The following KLF6 variants were observed in gnomAD, a reference collection of about 807,000 sequenced individuals.
KLF6 encodes Krueppel-like factor 6.
For synonymous variants in KLF6, 152 were observed against 147.9 expected, an observed-to-expected ratio of 1.03 and a Z score of -0.20; for missense variants, 233 against 359.8, an observed-to-expected ratio of 0.65 and a Z score of 2.85.
chr10:3,781,757 C>T lies in KLF6; in HGVS notation c.560G>A (p.Gly187Glu), dbSNP rs1289748441. ...GCCGTCGGGGGAGGCATCGCCATTT[C>T]CCTTGTCACCTGGCTTCCCCGAAGT... Reference protein sequence around the residue: ...SGTSGKPGDKGNGDASPDGRR... With the variant: ...SGTSGKPGDKENGDASPDGRR... The change falls in exon 2 of 4, where the codon GGA (glycine) becomes GAA (glutamate). Residue 187 changes from glycine to glutamate, a missense_variant. Gly to Glu is a moderately conservative substitution (Grantham distance 98, BLOSUM62 -2). Coordinates refer to ENST00000497571, the MANE Select transcript of KLF6 (RefSeq NM_001300.6). This position sits in a 1 kb window ranked among gnomAD's most constrained non-coding sequence, Gnocchi z 5.8. The T allele has an allele frequency of 2.5e-6, 4 of 1,614,154 alleles. No homozygotes were observed. Among genetic ancestry groups the T allele is most frequent in the Non-Finnish European group, 3.4e-6 (4 of 1,180,056 alleles).
Position 3,782,251 on chromosome 10 carries a change from A to G in KLF6, c.103-37T>C, listed in dbSNP as rs372352979. On this transcript the variant is annotated intron_variant, in intron 1 of 3. Coordinates refer to ENST00000497571, the MANE Select transcript of KLF6 (RefSeq NM_001300.6). The surrounding 1 kb of genome is among the most constrained non-coding windows in gnomAD (Gnocchi z 4.3). Reference sequence around the variant, plus strand: ...GAACCAGAGAAGGCACGTGATTGCCATGACGACCAAAAGTAAAAGCAAAAG... The same window carrying G: ...GAACCAGAGAAGGCACGTGATTGCCGTGACGACCAAAAGTAAAAGCAAAAG... 31 of 1,550,500 alleles carry G rather than the reference A, an allele frequency of 2.0e-5. No individual in the cohort carries two copies. The highest frequency in any genetic ancestry group is 1.8e-4 in the African/African-American group (13 of 73,878).
In KLF6 at chr10:3,781,349, C is replaced by A; in HGVS notation, c.676+292G>T. ...AGGGGCAGTGGCCTCGGATCCCCAG[C>A]ACTACTAAGGGGTGGGGGGTGGAGG... On this transcript the variant is annotated intron_variant, in intron 2 of 3. Coordinates refer to ENST00000497571, the MANE Select transcript of KLF6 (RefSeq NM_001300.6). This position sits in a 1 kb window ranked among gnomAD's most constrained non-coding sequence, Gnocchi z 5.8. 7.4e-7 allele frequency: 1 copy of A among 1,347,920 alleles called. No individual in the cohort carries two copies. The highest frequency in any genetic ancestry group is 9.8e-7 in the Non-Finnish European group (1 of 1,018,040). 83.5% of individuals were successfully genotyped at this position (1,347,920 alleles called of 1,614,324 possible).
intron 1 of KLF6, chr10:3,783,215 C>T (rs975163208): frequency 1.3e-5 from 2 of 152,222 alleles, no homozygotes; most frequent in Non-Finnish European, 2.9e-5. Flanking sequence ...CCGCAACCAA[C>T]CTTTCAAGAA....
rs35557366 is a variant in KLF6, at chr10:3,777,129, T to TAA, written c.*2408_*2409dup. 2.6e-3 allele frequency: 1,230 copies of TAA among 467,680 alleles called. No homozygotes were observed. The highest frequency in any genetic ancestry group is 0.017 in the East Asian group (347 of 20,320). The allele number at this position is 467,680 out of a possible 1,614,324, so 29.0% of individuals were successfully genotyped here. ...AGGTAAATGTATTCATCAGCCCAGA[T>TAA]AAAAAAAAAACCAGTTATGTGAGCG... On this transcript the variant is annotated 3_prime_UTR_variant, in exon 4 of 4. Transcript: ENST00000497571.
intron 3 of KLF6, 86 bp from the exon 4 acceptor site, chr10:3,779,676 T>C: frequency 8.2e-7 from 1 of 1,223,244 alleles, no homozygotes; most frequent in Non-Finnish European, 1.2e-6. Context: ...CTCCCTGCCC[T>C]GCCCAGCCTA....
At position 3,779,604 on chromosome 10, in the gene KLF6, T is replaced by G; in HGVS notation, c.801-14A>C. 1.2e-5 allele frequency: 20 copies of G among 1,613,654 alleles called. No individual in the cohort carries two copies. The highest frequency in any genetic ancestry group is 1.6e-5 in the Non-Finnish European group (19 of 1,179,616). On this transcript the variant is annotated splice_polypyrimidine_tract_variant and intron_variant, in intron 3 of 3. Coordinates refer to ENST00000497571, the MANE Select transcript of KLF6 (RefSeq NM_001300.6). The stretch of plus-strand genomic sequence containing the variant: ...CTGGAAAAACACCTGCAAGGGCAAA[T>G]CAGAAGCACAGAAGAAGTTAGGTTC...
In KLF6 at chr10:3,777,994, T is replaced by C. The variant is rs1449041798; in HGVS notation, c.*1545A>G. The C allele has an allele frequency of 4.0e-6, 2 of 505,008 alleles. No individual in the cohort carries two copies. Among genetic ancestry groups the C allele is most frequent in the African/African-American group, 1.9e-5 (1 of 52,190 alleles). The allele number at this position is 505,008 out of a possible 1,614,324, so 31.3% of individuals were successfully genotyped here. On this transcript the variant is annotated 3_prime_UTR_variant, in exon 4 of 4. Coordinates refer to ENST00000497571, the MANE Select transcript of KLF6 (RefSeq NM_001300.6). ...TTAAATACAGCCGGTGTGTGATCTA[T>C]ACAATTGTTGTGCAAGGTCTATATG...
Position 3,776,919 on chromosome 10 carries a change from GT to G in KLF6, c.*2619del, listed in dbSNP as rs755089147. ...TCGTAAGTGAGACAAGCCAGTGCAA[GT>G]TTTTTTTTTTCCTTTTTTTTTTTTT... On this transcript the variant is annotated 3_prime_UTR_variant, in exon 4 of 4. Transcript: ENST00000497571. The G allele has an allele frequency of 4.4e-3, 1,910 of 430,024 alleles. 13 individuals carry two copies. The highest frequency in any genetic ancestry group is 0.022 in the African/African-American group (1,014 of 46,274). The allele number at this position is 430,024 out of a possible 1,614,324, so 26.6% of individuals were successfully genotyped here.
chr10:3,784,131 T>C (rs1007986406), intron 1 of KLF6, among the ~76,000 whole-genome samples: 1 of 152,144 alleles, frequency 6.6e-6, no homozygotes, highest in Admixed American at 6.5e-5. Flanking sequence ...CTGCGATCGC[T>C]GGAGAGACAA....
rs1410320112 is a variant in KLF6, at chr10:3,779,218, G to T, written c.*321C>A. On this transcript the variant is annotated 3_prime_UTR_variant, in exon 4 of 4. Transcript: ENST00000497571. Reference sequence around the variant, plus strand: ...GAAAAAAAGTTGGCCTCATCATACGGTCAGTAATAGATCCTCAACATACAA... The same window carrying T: ...GAAAAAAAGTTGGCCTCATCATACGTTCAGTAATAGATCCTCAACATACAA... 3.5e-6 allele frequency: 2 copies of T among 569,438 alleles called. No homozygotes were observed. Among genetic ancestry groups the T allele is most frequent in the Middle Eastern group, 4.7e-4 (1 of 2,142 alleles). 35.3% of individuals were successfully genotyped at this position (569,438 alleles called of 1,614,324 possible).
At chr10:3,784,573 TA>T (rs532631907) in intron 1 of KLF6, among the ~76,000 whole-genome samples, 177 of 144,304 alleles carry the variant, frequency 1.2e-3, no homozygotes, top group East Asian at 2.6e-3. Flanking sequence ...CAAAATCCGT[TA>T]AAAAAAAACA....
Position 3,779,500 on chromosome 10 carries a change from G to A in KLF6, c.*39C>T. 3 of 1,567,536 alleles carry A rather than the reference G, an allele frequency of 1.9e-6. No individual in the cohort carries two copies. Among genetic ancestry groups the A allele is most frequent in the Non-Finnish European group, 2.6e-6 (3 of 1,137,384 alleles). On this transcript the variant is annotated 3_prime_UTR_variant, in exon 4 of 4. Transcript: ENST00000497571. ...TCCTTCCACGGCCGGCTCTCAGCCT[G>A]GAAGCCTTTTAGCCTACAGGATCCA...
chr10:3,784,100 G>A (rs1306690828), intron 1 of KLF6, among the ~76,000 whole-genome samples: 1 of 152,212 alleles, frequency 6.6e-6, no homozygotes, highest in African/African-American at 2.4e-5. Context: ...CAGCAGGGCA[G>A]GGAGACAACA....
chr10:3,784,658 G>C (rs1361533199), intron 1 of KLF6, among the ~76,000 whole-genome samples: 1 of 152,182 alleles, frequency 6.6e-6, no homozygotes, highest in Non-Finnish European at 1.5e-5. Context: ...AGCTCCAGCT[G>C]TGGCGTCTGG....
Position 3,778,657 on chromosome 10 carries a change from C to A in KLF6, c.*882G>T. 1 of 519,834 alleles carries A rather than the reference C, an allele frequency of 1.9e-6. No individual in the cohort carries two copies. The allele number at this position is 519,834 out of a possible 1,614,324, so 32.2% of individuals were successfully genotyped here. On this transcript the variant is annotated 3_prime_UTR_variant, in exon 4 of 4. Coordinates refer to ENST00000497571, the MANE Select transcript of KLF6 (RefSeq NM_001300.6). Reference sequence around the variant, plus strand: ...ATTGTATATTGCCAGGCCCGGATGGCTAGGGGGTCACTGTATTAGACAGAT... The same window carrying A: ...ATTGTATATTGCCAGGCCCGGATGGATAGGGGGTCACTGTATTAGACAGAT...
chr10:3,781,765 A>T lies in KLF6; in HGVS notation c.552T>A (p.Gly184=). The part of the protein sequence containing the change: ...KVRSGTSGKP[G]DKGNGDASPD... ...GGGAGGCATCGCCATTTCCCTTGTC[A>T]CCTGGCTTCCCCGAAGTCCCGCTGC... Residue 184 remains glycine (G), a synonymous_variant, in exon 2 of 4, where the codon GGT becomes GGA. Transcript: ENST00000497571. The surrounding 1 kb of genome is among the most constrained non-coding windows in gnomAD (Gnocchi z 5.8). 6.2e-7 allele frequency: 1 copy of T among 1,614,134 alleles called. No individual in the cohort carries two copies. The highest frequency in any genetic ancestry group is 8.5e-7 in the Non-Finnish European group (1 of 1,180,006).
rs192712828 is a variant in KLF6 at position 3,781,613 on chromosome 10, G to A, written c.676+28C>T. 3.8e-4 allele frequency: 619 copies of A among 1,609,158 alleles called. 3 individuals carry two copies. In the African/African-American group the frequency reaches 6.3e-3, roughly 16 times the overall value. On this transcript the variant is annotated intron_variant, in intron 2 of 3. Coordinates refer to ENST00000497571, the MANE Select transcript of KLF6 (RefSeq NM_001300.6). This position sits in a 1 kb window ranked among gnomAD's most constrained non-coding sequence, Gnocchi z 5.8. ...AATGCAGTGGCGCCCACCAGCGGCCGCCCTCCGGGGCCCGCGTGGGCACTG... is the reference window on the plus strand; with the variant it reads ...AATGCAGTGGCGCCCACCAGCGGCCACCCTCCGGGGCCCGCGTGGGCACTG...
chr10:3,779,642 A>G lies in KLF6; in HGVS notation c.801-52T>C, dbSNP rs371867737. On this transcript the variant is annotated intron_variant, in intron 3 of 3. Coordinates refer to ENST00000497571, the MANE Select transcript of KLF6 (RefSeq NM_001300.6). ...AGAAGTTAGGTTCCCATCCCTTGCC[A>G]GTGTTCTGGACCAGCGCCCTCACCT... The G allele has an allele frequency of 2.0e-5, 32 of 1,562,022 alleles. 1 individual carries two copies. In the African/African-American group the frequency reaches 4.3e-4, roughly 21 times the overall value.
chr10:3,777,922 G>GT lies in KLF6; in HGVS notation c.*1616dup, dbSNP rs375644559. ...TTAAGCAAATACATTAACATTGGGG[G>GT]TTTTTTAATACTTCTGTATCTTTAA... On this transcript the variant is annotated 3_prime_UTR_variant, in exon 4 of 4. Coordinates refer to ENST00000497571, the MANE Select transcript of KLF6 (RefSeq NM_001300.6). The GT allele has an allele frequency of 8.1e-6, 4 of 492,414 alleles. No individual in the cohort carries two copies. The highest frequency in any genetic ancestry group is 3.9e-5 in the African/African-American group (2 of 51,518). The allele number at this position is 492,414 out of a possible 1,614,324, so 30.5% of individuals were successfully genotyped here. A position where few individuals can be genotyped will look rare whatever the true frequency, so the allele number is the denominator to read the frequency against.
Sources: gnomAD v4.1 joint callset for allele counts (sites outside exome capture counted in the v4.1 genomes callset) on GRCh38, gnomAD v4.1.1 for gene constraint, Gnocchi (gnomAD v3.1) non-coding constraint, MANE v1.5 for transcripts, NCBI Gene and HGNC (gene_info 2026-07-23, HGNC 2026-07-21) for gene names.